The following NPSR1 variants were observed in gnomAD, a reference collection of about 807,000 sequenced individuals.
NPSR1 encodes the protein neuropeptide S receptor 1, also known as neuropeptide S receptor.
Under a neutral mutation model 46.9 loss-of-function variants are expected in NPSR1, and 48 were observed. That is an observed-to-expected ratio of 1.02 (90% CI 0.81 to 1.30). The LOEUF (loss-of-function observed/expected upper bound fraction) is 1.30. NPSR1 is among the 50% of genes most tolerant of loss of function. NPSR1 has a pLI of 0.00. For synonymous variants in NPSR1, 176 were observed against 168.1 expected (o/e 1.05, Z -0.36); for missense variants, 450 against 449.5 (o/e 1.00, Z -0.01).
intron 3 of NPSR1, among the ~76,000 whole-genome samples, chr7:34,791,634 C>G (rs1787886876): frequency 6.6e-6 from 1 of 151,868 alleles, no homozygotes; most frequent in African/African-American, 2.4e-5. Context: ...TAAATCAAAG[C>G]TATCTACAGA....
Position 34,849,761 on chromosome 7 carries a change from C to T in NPSR1, c.*106C>T, listed in dbSNP as rs1790880738. 7.7e-6 allele frequency: 12 copies of T among 1,554,688 alleles called. No individual in the cohort carries two copies. The highest frequency in any genetic ancestry group is 2.3e-5 in the East Asian group (1 of 44,068). ...ACCCGAGCCAACTTCACCCCACCCT[C>T]GTCATTACCTGGGAGATGCACAAGA... On this transcript the variant is annotated 3_prime_UTR_variant, in exon 9 of 9. Transcript: ENST00000360581.
At chr7:34,778,431 C>T (rs1366965145) in intron 2 of NPSR1, 31 bp from the exon 3 acceptor site, 4 of 1,252,558 alleles carry the variant, frequency 3.2e-6, no homozygotes, top group Non-Finnish European at 4.6e-6. Flanking sequence ...AAAATAAACC[C>T]TGAATGTAAG....
chr7:34,777,050 G>A (rs1433715369), intron 2 of NPSR1, among the ~76,000 whole-genome samples: 1 of 152,134 alleles, frequency 6.6e-6, no homozygotes, highest in African/African-American at 2.4e-5. Flanking sequence ...TAGGGGAGGG[G>A]TAGTGCCAGA....
intron 2 of NPSR1, among the ~76,000 whole-genome samples, chr7:34,687,524 G>C (rs1285242696): frequency 6.6e-6 from 1 of 152,182 alleles, no homozygotes; most frequent in African/African-American, 2.4e-5. Context: ...GGTGGAGTGA[G>C]GGCAAGCAGG....
rs940970297 is a variant in NPSR1, at chr7:34,685,696, A to G, written c.280+1012A>G. ...TTATGACACTGTAACTTACAAGAGA[A>G]TCTTAGCCATACATTGTTAGTAACC... On this transcript the variant is annotated intron_variant, in intron 2 of 8. Coordinates refer to ENST00000360581, the MANE Select transcript of NPSR1 (RefSeq NM_207172.2). The G allele has an allele frequency of 1.7e-4, 71 of 427,000 alleles. 2 individuals are homozygous for G. Among genetic ancestry groups the G allele is most frequent in the South Asian group, 1.1e-3 (67 of 60,450 alleles). The allele number at this position is 427,000 out of a possible 1,614,324, so 26.5% of individuals were successfully genotyped here. A position where few individuals can be genotyped will look rare whatever the true frequency, so the allele number is the denominator to read the frequency against.
chr7:34,777,181 A>T (rs1373161141), intron 2 of NPSR1, among the ~76,000 whole-genome samples: 2 of 152,032 alleles, frequency 1.3e-5, no homozygotes, highest in African/African-American at 2.4e-5. Context: ...GCCTAGACTG[A>T]CTTTCAAGTG....
chr7:34,703,363 T>G (rs1034233895), intron 2 of NPSR1, among the ~76,000 whole-genome samples: 3 of 150,282 alleles, frequency 2.0e-5, no homozygotes, highest in African/African-American at 7.4e-5. Flanking sequence ...AGAGCAAGAC[T>G]CCGTCTCAAA....
intron 8 of NPSR1, among the ~76,000 whole-genome samples, chr7:34,861,251 C>T (rs971031317): frequency 6.6e-6 from 1 of 151,982 alleles, no homozygotes; most frequent in African/African-American, 2.4e-5. Flanking sequence ...GTTTGAGCAA[C>T]AAACAGCACT....
chr7:34,814,669 G>A (rs868311823), intron 4 of NPSR1, among the ~76,000 whole-genome samples: 1 of 152,198 alleles, frequency 6.6e-6, no homozygotes, highest in Non-Finnish European at 1.5e-5. Flanking sequence ...ATATAGGTGG[G>A]TGCCCCTCTG....
Position 34,849,570 on chromosome 7 carries a change from A to G in NPSR1, c.1031A>G (p.Gln344Arg), listed in dbSNP as rs6972158. Residue 344 changes from glutamine to arginine, a missense_variant, in exon 9 of 9, where the codon CAA (glutamine) becomes CGA (arginine). By Grantham distance (43) the Gln-to-Arg change is conservative. Transcript: ENST00000360581. ...TTTATTTTGACTTTCTCCAGGGAGC[A>G]AAGATCACAGGATTCCAGAATGACG... is the stretch of plus-strand genomic sequence containing the variant. ...SSSISFPCREQRSQDSRMTFR... is the reference protein window; with the variant it reads ...SSSISFPCRERRSQDSRMTFR... The G allele has an allele frequency of 0.33, 530,161 of 1,612,262 alleles. 90,615 individuals are homozygous for G. The highest frequency in any genetic ancestry group is 0.39 in the African/African-American group (28,986 of 74,916).
chr7:34,818,611 G>T (rs557801376), intron 4 of NPSR1, among the ~76,000 whole-genome samples: 1 of 152,266 alleles, frequency 6.6e-6, no homozygotes, highest in Non-Finnish European at 1.5e-5. Context: ...GCATTGCCAA[G>T]ACAATCCTAA....
chr7:34,876,198 A>G (rs1474946426), intron 8 of NPSR1, among the ~76,000 whole-genome samples: 1 of 152,134 alleles, frequency 6.6e-6, no homozygotes, highest in African/African-American at 2.4e-5. Flanking sequence ...GGAGGAGAGA[A>G]AGAAGAGGGA....
At chr7:34,700,446 T>C (rs1793765958) in intron 2 of NPSR1, among the ~76,000 whole-genome samples, 1 of 152,160 alleles carries the variant, frequency 6.6e-6, no homozygotes, top group Non-Finnish European at 1.5e-5. Context: ...CATTTAATCC[T>C]CACACAGGGA....
At chr7:34,804,126 G>A (rs1788570578) in intron 3 of NPSR1, among the ~76,000 whole-genome samples, 1 of 151,842 alleles carries the variant, frequency 6.6e-6, no homozygotes, top group Non-Finnish European at 1.5e-5. Context: ...GATGAAAAGG[G>A]AACCATTCCT....
intron 8 of NPSR1, among the ~76,000 whole-genome samples, chr7:34,877,336 C>T (rs1317238996): frequency 6.6e-6 from 1 of 152,140 alleles, no homozygotes; most frequent in Non-Finnish European, 1.5e-5. Context: ...CAAAACCTGA[C>T]ACAAAGAAGG....
intron 3 of NPSR1, among the ~76,000 whole-genome samples, chr7:34,786,519 T>C (rs1366645064): frequency 1.3e-5 from 2 of 152,174 alleles, no homozygotes; most frequent in African/African-American, 4.8e-5. Flanking sequence ...ATCATGAATG[T>C]TCTTAATGAC....
chr7:34,804,704 G>A (rs1457813470), intron 3 of NPSR1, among the ~76,000 whole-genome samples: 1 of 151,772 alleles, frequency 6.6e-6, no homozygotes, highest in Non-Finnish European at 1.5e-5. Flanking sequence ...TAAATAAAAA[G>A]TTTATACATT....
chr7:34,856,727 T>G (rs1010645983), intron 8 of NPSR1, among the ~76,000 whole-genome samples: 6 of 151,746 alleles, frequency 4.0e-5, no homozygotes, highest in African/African-American at 1.5e-4. Flanking sequence ...GTCTTCCTTC[T>G]TGTGATATGG....
At chr7:34,791,820 G>A (rs910820996) in intron 3 of NPSR1, among the ~76,000 whole-genome samples, 17 of 152,186 alleles carry the variant, frequency 1.1e-4, no homozygotes, top group African/African-American at 3.4e-4. Flanking sequence ...TACAGTAATC[G>A]AAACAGTGTT....
Sources: gnomAD v4.1 joint callset for allele counts (sites outside exome capture counted in the v4.1 genomes callset) on GRCh38, gnomAD v4.1.1 for gene constraint, MANE v1.5 for transcripts, NCBI Gene and HGNC (gene_info 2026-07-23, HGNC 2026-07-21) for gene names.